RANBP2: variants seen among roughly 807,000 people sequenced by gnomAD.
RANBP2 encodes the protein E3 SUMO-protein ligase RanBP2.
In RANBP2, 57 loss-of-function variants were observed where a neutral mutation model predicts 303.6. The observed-to-expected ratio is 0.19, with a 90% CI of 0.15 to 0.23. The LOEUF is 0.23. Among genes scored for constraint, RANBP2 ranks in the 10% least tolerant of loss-of-function variants. The pLI is 1.00. For synonymous variants in RANBP2, 1,167 were observed against 1,301.5 expected, an observed-to-expected ratio of 0.90 and a Z score of 2.23; for missense variants, 3,138 against 3,780.8, an observed-to-expected ratio of 0.83 and a Z score of 4.46.
chr2:109,707,495 G>A, the RANBP2 span, among the ~76,000 whole-genome samples: 3 of 152,182 alleles, frequency 2.0e-5, no homozygotes, highest in Non-Finnish European at 2.9e-5. Context: ...AAATACCCAC[G>A]TTGCCAAATG....
the RANBP2 span, among the ~76,000 whole-genome samples, chr2:109,336,796 A>G: frequency 7.2e-5 from 11 of 152,352 alleles, no homozygotes; most frequent in Middle Eastern, 3.4e-3. Flanking sequence ...TTAAGGATTT[A>G]TATAAATCAA....
At chr2:109,046,729 T>C in the RANBP2 span, among the ~76,000 whole-genome samples, 1 of 152,142 alleles carries the variant, frequency 6.6e-6, no homozygotes, top group Non-Finnish European at 1.5e-5. Context: ...GGCTGTCCAC[T>C]TGAACAGACT....
At chr2:109,156,263 C>A in the RANBP2 span, among the ~76,000 whole-genome samples, 3 of 152,348 alleles carry the variant, frequency 2.0e-5, no homozygotes, top group African/African-American at 7.2e-5. Flanking sequence ...CACAGTCCAA[C>A]CACCAGAGAT....
chr2:108,806,307 TG>T, the RANBP2 span, among the ~76,000 whole-genome samples: 1 of 152,244 alleles, frequency 6.6e-6, no homozygotes, highest in Non-Finnish European at 1.5e-5. Context: ...GATAAACTGT[TG>T]CCCATACCTA....
At chr2:108,737,761 T>C (rs1160716981) in intron 6 of RANBP2, among the ~76,000 whole-genome samples, 1 of 148,838 alleles carries the variant, frequency 6.7e-6, no homozygotes, top group African/African-American at 2.5e-5. Context: ...TCACCCAGGC[T>C]GGAGTACTGT....
chr2:109,215,580 C>T, the RANBP2 span, among the ~76,000 whole-genome samples: 2 of 152,060 alleles, frequency 1.3e-5, no homozygotes, highest in African/African-American at 2.4e-5. Flanking sequence ...TAGTTTTTTG[C>T]CTGTGATGAG....
chr2:109,325,278 C>T, the RANBP2 span, among the ~76,000 whole-genome samples: 2 of 151,380 alleles, frequency 1.3e-5, no homozygotes, highest in African/African-American at 4.9e-5. Context: ...CGTAGAATCC[C>T]AGGAGTCATT....
chr2:109,040,602 T>A, the RANBP2 span, among the ~76,000 whole-genome samples: 1 of 152,224 alleles, frequency 6.6e-6, no homozygotes, highest in Non-Finnish European at 1.5e-5. Context: ...ATGTGATATC[T>A]CTTTGCATTT....
At chr2:108,860,697 C>T in the RANBP2 span, among the ~76,000 whole-genome samples, 133 of 151,882 alleles carry the variant, frequency 8.8e-4, no homozygotes, top group African/African-American at 3.1e-3. Context: ...TACTAGGTTC[C>T]GTTTGCCAGT....
chr2:109,602,973 A>C, the RANBP2 span, among the ~76,000 whole-genome samples: 1 of 151,346 alleles, frequency 6.6e-6, no homozygotes, highest in African/African-American at 2.4e-5. Context: ...TGGAAGACTG[A>C]GGCAGGAGGA....
At chr2:109,498,624 A>G in the RANBP2 span, among the ~76,000 whole-genome samples, 1 of 152,192 alleles carries the variant, frequency 6.6e-6, no homozygotes, top group Non-Finnish European at 1.5e-5. Context: ...AGCTGCTGAA[A>G]ATCCACATTC....
At chr2:109,328,281 T>G in the RANBP2 span, among the ~76,000 whole-genome samples, 1 of 152,220 alleles carries the variant, frequency 6.6e-6, no homozygotes, top group Non-Finnish European at 1.5e-5. Context: ...TGGCATAGGA[T>G]TCCATCTCTC....
the RANBP2 span, among the ~76,000 whole-genome samples, chr2:109,496,047 A>AAAG: frequency 6.6e-6 from 1 of 152,164 alleles, no homozygotes; most frequent in African/African-American, 2.4e-5. Context: ...ATGGAAGGGG[A>AAAG]CCCACCGGGT....
the RANBP2 span, among the ~76,000 whole-genome samples, chr2:109,165,366 A>T: frequency 1.3e-5 from 2 of 152,138 alleles, no homozygotes; most frequent in Non-Finnish European, 2.9e-5. Flanking sequence ...ATGTTGGCGG[A>T]TGCTGTCCAT....
the RANBP2 span, among the ~76,000 whole-genome samples, chr2:109,102,100 A>G: frequency 6.6e-6 from 1 of 151,934 alleles, no homozygotes; most frequent in Non-Finnish European, 1.5e-5. Flanking sequence ...TATTATTTTT[A>G]TTTATTTTTT....
chr2:108,803,340 C>T, the RANBP2 span, among the ~76,000 whole-genome samples: 2 of 152,238 alleles, frequency 1.3e-5, no homozygotes, highest in African/African-American at 4.8e-5. Flanking sequence ...CACACTCTGG[C>T]TCATAGAGGC....
At chr2:109,510,128 C>T in the RANBP2 span, among the ~76,000 whole-genome samples, 5 of 152,156 alleles carry the variant, frequency 3.3e-5, no homozygotes, top group Admixed American at 3.3e-4. Context: ...CACACCCCAA[C>T]CCGAGGCTGG....
chr2:108,930,339 G>C, the RANBP2 span: 1 of 1,436,404 alleles, frequency 7.0e-7, no homozygotes, highest in Admixed American at 1.7e-5. Context: ...GGGGTGCCCT[G>C]CGGTGGGGGC....
intron 7 of RANBP2, among the ~76,000 whole-genome samples, chr2:108,745,663 G>C (rs1452171449): frequency 6.6e-6 from 1 of 150,830 alleles, no homozygotes; most frequent in African/African-American, 2.4e-5. Context: ...ATTTATTCCA[G>C]TGCTATCCCA....
Sources: allele counts gnomAD v4.1 joint callset (sites outside exome capture counted in the v4.1 genomes callset), GRCh38; gene constraint gnomAD v4.1.1; transcripts MANE v1.5; gene names NCBI Gene and HGNC (gene_info 2026-07-23, HGNC 2026-07-21).